UPB1: variants seen among roughly 807,000 people sequenced by gnomAD.
The protein encoded by UPB1 is beta-ureidopropionase.
A neutral mutation model predicts 49.1 loss-of-function variants in UPB1; 40 were observed. The observed-to-expected ratio is 0.81, with a 90% CI of 0.63 to 1.06. UPB1 has a LOEUF of 1.06. UPB1 is among the 50% of genes least tolerant of loss of function. The probability of loss-of-function intolerance (pLI) is 0.00; values close to 1 mark genes in which losing one functional copy is unlikely to be tolerated. For missense variants in UPB1, 499 were observed against 505.9 expected (o/e 0.99, Z 0.13); for synonymous variants, 207 against 198.2 (o/e 1.04, Z -0.38).
intron 2 of UPB1, 28 bp downstream of exon 2, chr22:24,500,306 A>T: frequency 6.2e-7 from 1 of 1,613,012 alleles, no homozygotes; most frequent in East Asian, 2.2e-5. Context: ...CATAATAAAT[A>T]CACAAACAGG....
At chr22:24,510,071 A>G (rs1028302057) in intron 3 of UPB1, among the ~76,000 whole-genome samples, 1 of 152,080 alleles carries the variant, frequency 6.6e-6, no homozygotes, top group Non-Finnish European at 1.5e-5. Context: ...CATCTCTACT[A>G]AAAATACAAA....
At chr22:24,500,015 G>T in intron 1 of UPB1, 92 bp from the exon 2 acceptor site, 1 of 1,591,894 alleles carries the variant, frequency 6.3e-7, no homozygotes. Context: ...TCACCTCTTT[G>T]GCTGATAAAT....
At chr22:24,511,859 G>A (rs961324029) in intron 4 of UPB1, among the ~76,000 whole-genome samples, 63 of 152,004 alleles carry the variant, frequency 4.1e-4, no homozygotes, top group African/African-American at 1.4e-3. Flanking sequence ...CTCGTGATCC[G>A]CCACCTCGGC....
At chr22:24,514,652 T>C (rs1180849125) in intron 5 of UPB1, among the ~76,000 whole-genome samples, 1 of 152,170 alleles carries the variant, frequency 6.6e-6, no homozygotes, top group Non-Finnish European at 1.5e-5. Flanking sequence ...CACAGGGACC[T>C]CCTTAACCCT....
chr22:24,502,430 C>A, intron 3 of UPB1: 1 of 783,522 alleles, frequency 1.3e-6, no homozygotes, highest in Admixed American at 1.7e-5. Context: ...CGTTCTGAAT[C>A]CATTCGCTCC....
In UPB1 at chr22:24,506,314, C is replaced by T. The variant is rs143894556; in HGVS notation, c.364+4101C>T. On this transcript the variant is annotated intron_variant, in intron 3 of 9. Transcript: ENST00000326010. ...GGGATTACAGGCATGAGCCACTGCG[C>T]CCGGCCCCTAACTGCTTCTTAAATA... 7.2e-4 allele frequency among the ~76,000 whole-genome samples: 110 copies of T among 152,302 alleles called. 1 individual carries two copies. The East Asian group carries it at 8.7e-3, about 12-fold the overall frequency.
chr22:24,513,295 G>A (rs759409050), intron 4 of UPB1, 29 bp from the exon 5 acceptor site: 6 of 1,614,008 alleles, frequency 3.7e-6, no homozygotes, highest in Non-Finnish European at 4.2e-6. Context: ...TTTATAAGTG[G>A]GACTCTGCCA....
rs778691193 is a variant in UPB1 at position 24,522,039 on chromosome 22, T to C, written c.916+11T>C. ...GAGATGGAAAGAAAGGTATGTCCCA[T>C]GAACCATGGTGGCTGCAGTTGAGGA... On this transcript the variant is annotated intron_variant, in intron 8 of 9. Transcript: ENST00000326010. 2.9e-5 allele frequency: 47 copies of C among 1,613,544 alleles called. No homozygotes were observed. Among genetic ancestry groups the C allele is most frequent in the Admixed American group, 8.3e-5 (5 of 59,992 alleles).
intron 9 of UPB1, among the ~76,000 whole-genome samples, chr22:24,523,976 G>A (rs895246744): frequency 5.9e-5 from 9 of 152,244 alleles, no homozygotes; most frequent in Non-Finnish European, 1.2e-4. Context: ...ACAAGCAGCA[G>A]GCTGCAATAA....
Position 24,527,796 on chromosome 22 carries a change from AC to A in UPB1, c.*2004del, listed in dbSNP as rs1486243248. ...CACTTTACCTAATGGCCCTTCTTGC[AC>A]CTTTAAAAAAAAAAAAAAAAAATTC... On this transcript the variant is annotated 3_prime_UTR_variant, in exon 10 of 10. Transcript: ENST00000326010. 6.9e-6 allele frequency: 1 copy of A among 145,246 alleles called. No individual in the cohort carries two copies. The highest frequency in any genetic ancestry group is 2.0e-4 in the East Asian group (1 of 5,038). 9.0% of individuals were successfully genotyped at this position (145,246 alleles called of 1,614,324 possible).
At chr22:24,525,080 A>G (rs1403281188) in intron 9 of UPB1, among the ~76,000 whole-genome samples, 1 of 152,164 alleles carries the variant, frequency 6.6e-6, no homozygotes, top group African/African-American at 2.4e-5. Context: ...AACTCTTTTT[A>G]ATAAGTATCC....
rs950006801 is a variant in UPB1, at chr22:24,526,779, A to G, written c.*985A>G. The G allele has an allele frequency of 6.6e-6, 1 of 152,184 alleles. No individual in the cohort carries two copies. Among genetic ancestry groups the G allele is most frequent in the Non-Finnish European group, 1.5e-5 (1 of 68,034 alleles). The allele number at this position is 152,184 out of a possible 1,614,324, so 9.4% of individuals were successfully genotyped here. A position where few individuals can be genotyped will look rare whatever the true frequency, so the allele number is the denominator to read the frequency against. On this transcript the variant is annotated 3_prime_UTR_variant, in exon 10 of 10. Coordinates refer to ENST00000326010, the MANE Select transcript of UPB1 (RefSeq NM_016327.3). ...AGTCAGGGTAAAGAGGGTAGTTGGT[A>G]GTCCATGGCATGGTGCAGCAATAGT...
chr22:24,516,455 A>G (rs1373384495), intron 6 of UPB1: 1 of 152,196 alleles, frequency 6.6e-6, no homozygotes, highest in East Asian at 1.9e-4. Context: ...CCAGTTTTGC[A>G]TCACTACAAG....
chr22:24,496,115 TCTCAGCACTTTGGGAGGCCAGGG>T (rs1232534005), intron 1 of UPB1, among the ~76,000 whole-genome samples: 1 of 152,054 alleles, frequency 6.6e-6, no homozygotes, highest in Non-Finnish European at 1.5e-5. Context: ...ACACCTGTAA[TCTCAGCACTTTGGGAGGCCAGGG>T]CTGGAAGATT....
At chr22:24,519,274 C>G (rs1244478492) in intron 6 of UPB1, among the ~76,000 whole-genome samples, 2 of 152,116 alleles carry the variant, frequency 1.3e-5, no homozygotes, top group East Asian at 3.8e-4. Context: ...AGCACCCACC[C>G]CCTCCACCTA....
At chr22:24,524,972 G>A (rs564005041) in intron 9 of UPB1, among the ~76,000 whole-genome samples, 1 of 152,204 alleles carries the variant, frequency 6.6e-6, no homozygotes, top group African/African-American at 2.4e-5. Flanking sequence ...CAAGGTATTG[G>A]GCATGAGAGA....
chr22:24,506,584 A>G (rs944770482), intron 3 of UPB1, among the ~76,000 whole-genome samples: 29 of 152,202 alleles, frequency 1.9e-4, no homozygotes, highest in Middle Eastern at 3.4e-3. Context: ...CTTTCCTGTC[A>G]TGTTAATGGG....
At chr22:24,507,708 G>A (rs2044116112) in intron 3 of UPB1, among the ~76,000 whole-genome samples, 2 of 152,000 alleles carry the variant, frequency 1.3e-5, no homozygotes, top group Non-Finnish European at 2.9e-5. Context: ...TGCAAATGTC[G>A]GCAATTAGAA....
chr22:24,505,342 T>G (rs1466244935), intron 3 of UPB1, among the ~76,000 whole-genome samples: 1 of 152,222 alleles, frequency 6.6e-6, no homozygotes, highest in Non-Finnish European at 1.5e-5. Context: ...ATCTGTGAGC[T>G]CTGAGTTTGT....
Sources: gnomAD v4.1 joint callset for allele counts (sites outside exome capture counted in the v4.1 genomes callset) on GRCh38, gnomAD v4.1.1 for gene constraint, MANE v1.5 for transcripts, NCBI Gene and HGNC (gene_info 2026-07-23, HGNC 2026-07-21) for gene names.